DNMBP: variants seen among roughly 807,000 people sequenced by gnomAD.
DNMBP encodes the protein dynamin binding protein, also known as dynamin-binding protein.
Under a neutral mutation model 150.0 loss-of-function variants are expected in DNMBP, and 87 were observed. The ratio of observed to expected loss-of-function variants is 0.58; its 90% CI spans 0.49 to 0.69. The LOEUF is 0.69. DNMBP is among the 30% of genes least tolerant of loss of function. The probability of loss-of-function intolerance (pLI) is 0.00; values close to 1 mark genes in which losing one functional copy is unlikely to be tolerated. For synonymous variants in DNMBP, 711 were observed against 750.4 expected (o/e 0.95, Z 0.86); for missense variants, 1,774 against 1,949.0 (o/e 0.91, Z 1.69).
At chr10:99,937,905 C>G (rs1464705586) in intron 4 of DNMBP, among the ~76,000 whole-genome samples, 1 of 152,232 alleles carries the variant, frequency 6.6e-6, no homozygotes, top group Non-Finnish European at 1.5e-5. Context: ...AACAGTGTAA[C>G]AGAGAGAGCA....
intron 4 of DNMBP, among the ~76,000 whole-genome samples, chr10:99,924,720 T>G (rs2040059342): frequency 6.6e-6 from 1 of 152,204 alleles, no homozygotes; most frequent in Non-Finnish European, 1.5e-5. Flanking sequence ...ATATTAATAA[T>G]AAGCTTGAAT....
chr10:99,878,027 G>A (rs752316409), intron 16 of DNMBP, among the ~76,000 whole-genome samples: 1 of 152,146 alleles, frequency 6.6e-6, no homozygotes, highest in Non-Finnish European at 1.5e-5. Context: ...GTTGTGGCAG[G>A]AGAATTGCCT....
At position 99,885,939 on chromosome 10, in the gene DNMBP, A is replaced by T; in HGVS notation, c.3619-73T>A. 2.2e-6 allele frequency: 3 copies of T among 1,360,506 alleles called. No individual in the cohort carries two copies. The South Asian group carries it at 4.4e-5, about 20-fold the overall frequency. The allele number at this position is 1,360,506 out of a possible 1,614,324, so 84.3% of individuals were successfully genotyped here. A position where few individuals can be genotyped will look rare whatever the true frequency, so the allele number is the denominator to read the frequency against. ...TAAAAGATCCCAGAGAAAAGAAGAA[A>T]ACATGATGAAAGATCCCGGATTGAC... On this transcript the variant is annotated intron_variant, in intron 13 of 16. Transcript: ENST00000324109.
At chr10:99,879,084 C>CAAAAAAAAAAAAAAAA (rs71009780) in intron 16 of DNMBP, among the ~76,000 whole-genome samples, 6 of 62,400 alleles carry the variant, frequency 9.6e-5, no homozygotes, top group African/African-American at 4.1e-4. Context: ...GACTCTGTCT[C>CAAAAAAAAAAAAAAAA]AAAAAAAAAA....
chr10:99,989,786 A>T (rs1174105582), intron 1 of DNMBP, among the ~76,000 whole-genome samples: 2 of 60,352 alleles, frequency 3.3e-5, no homozygotes, highest in Non-Finnish European at 6.8e-5. Context: ...AGATCAGCTA[A>T]ACTGCTATGT....
intron 4 of DNMBP, among the ~76,000 whole-genome samples, chr10:99,934,301 G>GT (rs1051844540): frequency 1.8e-4 from 28 of 151,396 alleles, no homozygotes; most frequent in African/African-American, 6.6e-4. Flanking sequence ...AGCTTCTAAG[G>GT]TTTTTTAGAG....
chr10:99,991,330 G>T (rs942003777), intron 1 of DNMBP, among the ~76,000 whole-genome samples: 6 of 151,822 alleles, frequency 4.0e-5, no homozygotes, highest in African/African-American at 1.5e-4. Flanking sequence ...GCCCACCTCG[G>T]CCTCCCAAAG....
At chr10:99,962,397 C>T (rs550932288) in intron 3 of DNMBP, among the ~76,000 whole-genome samples, 12 of 152,274 alleles carry the variant, frequency 7.9e-5, no homozygotes, top group South Asian at 6.2e-4. Flanking sequence ...TTTGGGACGC[C>T]GAGGCAGGGG....
At chr10:99,954,445 T>C (rs2040459301) in intron 4 of DNMBP, among the ~76,000 whole-genome samples, 1 of 151,648 alleles carries the variant, frequency 6.6e-6, no homozygotes, top group African/African-American at 2.4e-5. Context: ...GGTGATGAAA[T>C]AAGAAATTAG....
At chr10:99,964,881 A>AT (rs1482540432) in intron 3 of DNMBP, among the ~76,000 whole-genome samples, 9 of 125,110 alleles carry the variant, frequency 7.2e-5, no homozygotes, top group African/African-American at 2.7e-4. Context: ...AAGGAAAAAA[A>AT]AAAAATATAT....
intron 10 of DNMBP, 102 bp downstream of exon 10, chr10:99,896,165 T>C (rs1390401893): frequency 1.4e-6 from 2 of 1,380,572 alleles, no homozygotes; most frequent in East Asian, 2.5e-5. Flanking sequence ...CCGGAGGACG[T>C]CTGAGGAAGG....
In DNMBP at chr10:99,956,418, A is replaced by G; in HGVS notation, c.1056T>C (p.Ile352=). ...SDHEAEEPDC[I]ISEAPTSPLG... is the part of the protein sequence containing the mutation. ...GGGGAGAAGTGGGTGCTTCAGAAAT[A>G]ATGCAGTCAGGCTCCTCGGCCTCAT... is the stretch of plus-strand genomic sequence containing the variant. The change falls in exon 4 of 17, where the codon ATT becomes ATC. Residue 352 remains isoleucine (I), a synonymous_variant. Coordinates refer to ENST00000324109, the MANE Select transcript of DNMBP (RefSeq NM_015221.4). 6.2e-7 allele frequency: 1 copy of G among 1,613,946 alleles called. No individual in the cohort carries two copies. Among genetic ancestry groups the G allele is most frequent in the Non-Finnish European group, 8.5e-7 (1 of 1,180,008 alleles).
intron 6 of DNMBP, among the ~76,000 whole-genome samples, chr10:99,904,010 C>A (rs1159699849): frequency 1.3e-5 from 2 of 151,874 alleles, no homozygotes; most frequent in African/African-American, 4.8e-5. Context: ...GCCCACCTTG[C>A]CTCGGCCTCC....
rs1338291792 is a variant in DNMBP at position 99,936,873 on chromosome 10, A to G, written c.2260+18341T>C. On this transcript the variant is annotated intron_variant, in intron 4 of 16. Transcript: ENST00000324109. ...GCATTTGTCACCATGCCCAGCCAAA[A>G]TGAAACTCTAGATTGTCAAACCTTC... is the stretch of plus-strand genomic sequence containing the variant. Among the ~76,000 whole-genome samples, 3 of 151,676 alleles carry G rather than the reference A, an allele frequency of 2.0e-5. No homozygotes were observed. In the East Asian group the frequency reaches 5.8e-4, roughly 29 times the overall value.
intron 4 of DNMBP, among the ~76,000 whole-genome samples, chr10:99,921,637 T>G (rs1342067144): frequency 7.6e-6 from 1 of 132,258 alleles, no homozygotes; most frequent in East Asian, 2.1e-4. Flanking sequence ...GTGGATCACT[T>G]GAGGCCAGGA....
At position 99,955,480 on chromosome 10, in the gene DNMBP, C is replaced by T. The variant is rs760771243; in HGVS notation, c.1994G>A (p.Arg665Gln). Residue 665 changes from arginine (R) to glutamine (Q), a missense_variant, in exon 4 of 17, where the codon CGA becomes CAA. Arg to Gln is a conservative substitution (Grantham distance 43, BLOSUM62 1). Around this residue, in one of 2 missense-constraint regions of DNMBP, gnomAD observed 1,430 missense variants for 1,492.5 expected, o/e 0.96. Transcript: ENST00000324109. ...TNAVSPKLLSRHRPTCETLEK... is the reference protein window; with the variant it reads ...TNAVSPKLLSQHRPTCETLEK... Reference sequence around the variant, plus strand: ...TAAGGTCTCACAGGTAGGACGGTGTCGAGATAGGAGCTTGGGGGATACCGC... The same window carrying T: ...TAAGGTCTCACAGGTAGGACGGTGTTGAGATAGGAGCTTGGGGGATACCGC... 3.7e-6 allele frequency: 6 copies of T among 1,604,272 alleles called. No homozygotes were observed. The highest frequency in any genetic ancestry group is 1.3e-5 in the African/African-American group (1 of 74,474).
intron 12 of DNMBP, among the ~76,000 whole-genome samples, chr10:99,888,214 G>GTTTGTT (rs71009783): frequency 0.014 from 2,041 of 149,720 alleles, 51 homozygotes; most frequent in African/African-American, 0.047. Flanking sequence ...TTGTTTGTTT[G>GTTTGTT]TTTGTTTTTG....
At chr10:100,004,090 G>A (rs7074162) in intron 1 of DNMBP, among the ~76,000 whole-genome samples, 47 of 136,674 alleles carry the variant, frequency 3.4e-4, no homozygotes, top group African/African-American at 1.2e-3. Flanking sequence ...AAAAAAAAAA[G>A]AAAAATTAGC....
chr10:99,930,339 C>A (rs79660497), intron 4 of DNMBP: 10 of 703,024 alleles, frequency 1.4e-5, no homozygotes, highest in Non-Finnish European at 2.6e-5. Context: ...CAGATTCTTA[C>A]AGTCTGAGTA....
Sources: allele counts gnomAD v4.1 joint callset (sites outside exome capture counted in the v4.1 genomes callset), GRCh38; gene constraint gnomAD v4.1.1; regional missense constraint gnomAD v4.1.1; transcripts MANE v1.5; gene names NCBI Gene and HGNC (gene_info 2026-07-23, HGNC 2026-07-21).